Variants in RAB11FIP4 observed in about 807,000 individuals in gnomAD.
RAB11FIP4 encodes the protein RAB11 family interacting protein 4.
A neutral mutation model predicts 74.3 loss-of-function variants in RAB11FIP4; 23 were observed. The observed-to-expected ratio is 0.31, with a 90% CI of 0.22 to 0.44. RAB11FIP4 has a LOEUF of 0.44. Among genes scored for constraint, RAB11FIP4 ranks in the 20% least tolerant of loss-of-function variants. The pLI is 1.00. For synonymous variants in RAB11FIP4, 360 were observed against 359.9 expected, an observed-to-expected ratio of 1.00 and a Z score of 0.00; for missense variants, 630 against 863.9, an observed-to-expected ratio of 0.73 and a Z score of 3.39.
At chr17:31,404,978 G>C (rs1442379691) in intron 1 of RAB11FIP4, among the ~76,000 whole-genome samples, 1 of 152,190 alleles carries the variant, frequency 6.6e-6, no homozygotes, top group Non-Finnish European at 1.5e-5. Flanking sequence ...GGGCTGACCA[G>C]GCAGGCTGGA....
At chr17:31,449,127 G>A (rs1482567780) in intron 3 of RAB11FIP4, among the ~76,000 whole-genome samples, 1 of 151,994 alleles carries the variant, frequency 6.6e-6, no homozygotes, top group Non-Finnish European at 1.5e-5. Context: ...AAAGTCACCA[G>A]CCTGCCTCCA....
At position 31,416,735 on chromosome 17, in the gene RAB11FIP4, C is replaced by A. The variant is rs1597905161; in HGVS notation, c.160-15078C>A. 3.9e-5 allele frequency among the ~76,000 whole-genome samples: 6 copies of A among 152,264 alleles called. No individual in the cohort carries two copies. In the East Asian group the frequency reaches 1.2e-3, roughly 29 times the overall value. ...GAGCTAGGGGCAGTTGGATTCCAAC[C>A]CTGCCTGCTGTGCGGTGAGGCCAGC... On this transcript the variant is annotated intron_variant, in intron 1 of 14. Coordinates refer to ENST00000621161, the MANE Select transcript of RAB11FIP4 (RefSeq NM_032932.6).
chr17:31,436,159 A>G (rs917550253), intron 3 of RAB11FIP4, among the ~76,000 whole-genome samples: 1 of 152,132 alleles, frequency 6.6e-6, no homozygotes, highest in Admixed American at 6.5e-5. Context: ...AGGCCATGGA[A>G]CCTGAGCACG....
chr17:31,488,251 CCCG>C, intron 3 of RAB11FIP4: 1 of 1,166,972 alleles, frequency 8.6e-7, no homozygotes, highest in Non-Finnish European at 1.1e-6. Context: ...GGATGCGCAC[CCCG>C]CCAGCTCTCG....
At chr17:31,525,593 T>G in intron 10 of RAB11FIP4, 1 of 237,604 alleles carries the variant, frequency 4.2e-6, no homozygotes. Context: ...CCAAGGTAAA[T>G]GGAAAACCCG....
intron 3 of RAB11FIP4, among the ~76,000 whole-genome samples, chr17:31,461,525 G>T (rs1248389227): frequency 6.6e-6 from 1 of 152,166 alleles, no homozygotes; most frequent in Non-Finnish European, 1.5e-5. Context: ...TTGCAGACTT[G>T]GCCAGGGCAA....
chr17:31,515,728 G>A (rs1036953189), intron 3 of RAB11FIP4, among the ~76,000 whole-genome samples: 1 of 152,192 alleles, frequency 6.6e-6, no homozygotes, highest in African/African-American at 2.4e-5. Flanking sequence ...TTGGGAACAG[G>A]TTGACATCTC....
At chr17:31,461,092 A>C in intron 3 of RAB11FIP4, among the ~76,000 whole-genome samples, 2 of 113,784 alleles carry the variant, frequency 1.8e-5, no homozygotes, top group South Asian at 3.0e-4. Context: ...ACAGACCCCT[A>C]CTCATAGCCC....
At chr17:31,432,045 T>C in intron 2 of RAB11FIP4, 145 bp downstream of exon 2, 1 of 631,506 alleles carries the variant, frequency 1.6e-6, no homozygotes, top group Non-Finnish European at 2.8e-6. Context: ...TGCCTCTGGC[T>C]TCCGGGGGGG....
chr17:31,406,217 C>A (rs1008281239), intron 1 of RAB11FIP4, among the ~76,000 whole-genome samples: 3 of 152,216 alleles, frequency 2.0e-5, no homozygotes, highest in Non-Finnish European at 2.9e-5. Context: ...TCCTGGGTAC[C>A]CTGAGCTGAG....
intron 1 of RAB11FIP4, among the ~76,000 whole-genome samples, chr17:31,404,326 C>G (rs948766024): frequency 1.1e-4 from 17 of 152,242 alleles, no homozygotes; most frequent in African/African-American, 4.1e-4. Context: ...CCCACTTCCA[C>G]TTTTCTACTG....
intron 3 of RAB11FIP4, among the ~76,000 whole-genome samples, chr17:31,482,252 G>A (rs1056008763): frequency 2.0e-5 from 3 of 151,598 alleles, no homozygotes; most frequent in Non-Finnish European, 4.4e-5. Context: ...CCCCACTGGC[G>A]AGAGAGGGCT....
intron 3 of RAB11FIP4, among the ~76,000 whole-genome samples, chr17:31,457,673 A>G (rs960311916): frequency 3.3e-5 from 5 of 151,948 alleles, no homozygotes; most frequent in African/African-American, 1.2e-4. Flanking sequence ...GGGTGGGAGC[A>G]GGCCTGACCC....
chr17:31,445,555 TATATATATATATATATATATATA>T (rs1567658201), intron 3 of RAB11FIP4, among the ~76,000 whole-genome samples: 43 of 12,522 alleles, frequency 3.4e-3, no homozygotes, highest in East Asian at 0.011. Context: ...TATATATATA[TATATATATATATATATATATATA>T]TTTTTTTTTT....
chr17:31,430,167 T>G (rs2071293523), intron 1 of RAB11FIP4, among the ~76,000 whole-genome samples: 1 of 152,088 alleles, frequency 6.6e-6, no homozygotes, highest in Non-Finnish European at 1.5e-5. Flanking sequence ...GGAGGACAGC[T>G]GTCCAAGTTG....
At chr17:31,425,423 G>A (rs972667782) in intron 1 of RAB11FIP4, among the ~76,000 whole-genome samples, 1 of 152,240 alleles carries the variant, frequency 6.6e-6, no homozygotes, top group Admixed American at 6.5e-5. Flanking sequence ...GCTTGCTTGA[G>A]TCCATCTGGC....
At chr17:31,495,184 A>G (rs112305964) in intron 3 of RAB11FIP4, among the ~76,000 whole-genome samples, 3,412 of 152,220 alleles carry the variant, frequency 0.022, 131 homozygotes, top group African/African-American at 0.078. Context: ...GATTTGGAGA[A>G]AAGCCAGACA....
At chr17:31,499,516 C>T (rs2072178953) in intron 3 of RAB11FIP4, among the ~76,000 whole-genome samples, 1 of 152,020 alleles carries the variant, frequency 6.6e-6, no homozygotes, top group African/African-American at 2.4e-5. Context: ...CCACCGTGTC[C>T]AGCTAATTTT....
At chr17:31,396,621 G>T (rs912843720) in intron 1 of RAB11FIP4, among the ~76,000 whole-genome samples, 6 of 152,148 alleles carry the variant, frequency 3.9e-5, no homozygotes, top group Admixed American at 1.3e-4. Context: ...TCAAGATCTG[G>T]CACCGGCCTC....
Sources: allele counts gnomAD v4.1 joint callset (sites outside exome capture counted in the v4.1 genomes callset), GRCh38; gene constraint gnomAD v4.1.1; transcripts MANE v1.5; gene names NCBI Gene and HGNC (gene_info 2026-07-23, HGNC 2026-07-21).